The following SGCZ variants were observed in gnomAD, a reference collection of about 807,000 sequenced individuals.
The protein encoded by SGCZ is zeta-sarcoglycan.
Under a neutral mutation model 41.3 loss-of-function variants are expected in SGCZ, and 40 were observed. The ratio of observed to expected loss-of-function variants is 0.97; its 90% confidence interval spans 0.75 to 1.26. The LOEUF (loss-of-function observed/expected upper bound fraction) is 1.26. Ranked by LOEUF, SGCZ falls within the 50% of genes most tolerant of loss-of-function variation. SGCZ has a pLI of 0.00. For synonymous variants in SGCZ, 206 were observed against 137.5 expected, an observed-to-expected ratio of 1.50 and a Z score of -3.49; for missense variants, 552 against 369.8, an observed-to-expected ratio of 1.49 and a Z score of -4.04.
intron 1 of SGCZ, among the ~76,000 whole-genome samples, chr8:14,637,238 C>G (rs1369468445): frequency 1.3e-5 from 2 of 151,902 alleles, no homozygotes; most frequent in East Asian, 3.9e-4. Context: ...CCCTGTCAAC[C>G]AAACACTCTA....
intron 1 of SGCZ, among the ~76,000 whole-genome samples, chr8:14,729,638 C>T (rs950389896): frequency 4.6e-5 from 6 of 131,226 alleles, no homozygotes; most frequent in South Asian, 5.5e-4. Flanking sequence ...GCATCCAGAG[C>T]GTTAAAAATC....
intron 1 of SGCZ, among the ~76,000 whole-genome samples, chr8:14,742,212 A>G (rs1799215930): frequency 6.6e-6 from 1 of 152,058 alleles, no homozygotes; most frequent in Non-Finnish European, 1.5e-5. Flanking sequence ...CAGTCTAATG[A>G]TCCATCTGTG....
chr8:15,219,170 G>T (rs1360575601), intron 1 of SGCZ, among the ~76,000 whole-genome samples: 1 of 152,102 alleles, frequency 6.6e-6, no homozygotes, highest in Non-Finnish European at 1.5e-5. Context: ...TATTAATCAT[G>T]ATTTAAATTC....
At chr8:14,426,499 C>G (rs1253311317) in intron 2 of SGCZ, among the ~76,000 whole-genome samples, 2 of 149,178 alleles carry the variant, frequency 1.3e-5, no homozygotes, top group Non-Finnish European at 2.9e-5. Flanking sequence ...CTAGAGCAAG[C>G]AGAAAACACA....
intron 2 of SGCZ, among the ~76,000 whole-genome samples, chr8:14,452,378 T>C (rs1342846387): frequency 2.0e-5 from 3 of 152,044 alleles, no homozygotes; most frequent in Non-Finnish European, 4.4e-5. Context: ...ATCGTAACGG[T>C]GGATACATGT....
At chr8:14,993,062 G>A (rs1802077188) in intron 1 of SGCZ, among the ~76,000 whole-genome samples, 3 of 151,904 alleles carry the variant, frequency 2.0e-5, no homozygotes, top group African/African-American at 7.3e-5. Context: ...CAAAACTAGT[G>A]TTAATCTTTA....
At chr8:14,738,974 G>C (rs1201244121) in intron 1 of SGCZ, among the ~76,000 whole-genome samples, 1 of 152,062 alleles carries the variant, frequency 6.6e-6, no homozygotes, top group African/African-American at 2.4e-5. Context: ...TGGCTAAAGG[G>C]TTGACAAGGG....
chr8:14,475,287 C>T (rs1374705461), intron 2 of SGCZ, among the ~76,000 whole-genome samples: 1 of 151,900 alleles, frequency 6.6e-6, no homozygotes, highest in Non-Finnish European at 1.5e-5. Flanking sequence ...GTATGTTTTC[C>T]AATTCATAAT....
intron 1 of SGCZ, among the ~76,000 whole-genome samples, chr8:14,847,911 C>T (rs1263425851): frequency 6.6e-6 from 1 of 150,996 alleles, no homozygotes; most frequent in Non-Finnish European, 1.5e-5. Flanking sequence ...AATCAGGCAA[C>T]ACAAACAAAC....
chr8:14,824,893 C>T (rs967845229), intron 1 of SGCZ, among the ~76,000 whole-genome samples: 11 of 152,022 alleles, frequency 7.2e-5, no homozygotes, highest in Non-Finnish European at 1.3e-4. Context: ...GATTTATATG[C>T]TTATGGATAC....
intron 2 of SGCZ, among the ~76,000 whole-genome samples, chr8:14,528,829 A>AAAAAC (rs11388319): frequency 0.021 from 1,595 of 76,184 alleles, 32 homozygotes; most frequent in African/African-American, 0.091. Context: ...GGACCAGCCA[A>AAAAAC]AAAAAAAACA....
At chr8:15,218,797 C>A (rs566560286) in intron 1 of SGCZ, among the ~76,000 whole-genome samples, 2 of 152,156 alleles carry the variant, frequency 1.3e-5, no homozygotes, top group Non-Finnish European at 2.9e-5. Flanking sequence ...CATAACTATC[C>A]TATTACAGTC....
At chr8:14,681,664 TGATCA>T (rs1198795178) in intron 1 of SGCZ, among the ~76,000 whole-genome samples, 2 of 152,210 alleles carry the variant, frequency 1.3e-5, no homozygotes, top group Admixed American at 6.5e-5. Context: ...AATTCAGCAG[TGATCA>T]GATATTACTC....
intron 1 of SGCZ, among the ~76,000 whole-genome samples, chr8:14,712,972 A>G (rs985148502): frequency 4.6e-5 from 7 of 152,082 alleles, no homozygotes; most frequent in African/African-American, 1.7e-4. Flanking sequence ...TCTCCTCAAG[A>G]CTAGGACATC....
chr8:15,017,440 G>T (rs1392365664), intron 1 of SGCZ, among the ~76,000 whole-genome samples: 1 of 152,120 alleles, frequency 6.6e-6, no homozygotes, highest in Non-Finnish European at 1.5e-5. Flanking sequence ...ATTTTTAAAA[G>T]ACCTATTTTT....
At chr8:14,200,694 G>A (rs1200876799) in intron 4 of SGCZ, among the ~76,000 whole-genome samples, 4 of 152,066 alleles carry the variant, frequency 2.6e-5, no homozygotes, top group Non-Finnish European at 5.9e-5. Context: ...TAAACTAGAA[G>A]CCTCAGAGTA....
In SGCZ at chr8:14,839,322, G is replaced by A. The variant is rs73535041; in HGVS notation, c.40-284396C>T. 7.5e-3 allele frequency among the ~76,000 whole-genome samples: 1,143 copies of A among 152,254 alleles called. 16 individuals carry two copies. The highest frequency in any genetic ancestry group is 0.026 in the African/African-American group (1,071 of 41,572). ...CAGGTAAAGAGAGGTGCAATTTACTGAGATGATGCACGCTTGCAGAGGACC... is the reference window on the plus strand; with the variant it reads ...CAGGTAAAGAGAGGTGCAATTTACTAAGATGATGCACGCTTGCAGAGGACC... On this transcript the variant is annotated intron_variant, in intron 1 of 7. Transcript: ENST00000382080.
At chr8:14,544,528 T>A (rs1038983967) in intron 2 of SGCZ, among the ~76,000 whole-genome samples, 2 of 152,108 alleles carry the variant, frequency 1.3e-5, no homozygotes, top group African/African-American at 4.8e-5. Flanking sequence ...TAGCAAAGAA[T>A]ATTAATATTA....
intron 4 of SGCZ, among the ~76,000 whole-genome samples, chr8:14,209,313 C>G (rs1358922332): frequency 6.6e-6 from 1 of 152,110 alleles, no homozygotes; most frequent in African/African-American, 2.4e-5. Context: ...GCCCCTCTCT[C>G]TCACCAGGGA....
Sources: allele counts gnomAD v4.1 joint callset (sites outside exome capture counted in the v4.1 genomes callset), GRCh38; gene constraint gnomAD v4.1.1; transcripts MANE v1.5; gene names NCBI Gene and HGNC (gene_info 2026-07-23, HGNC 2026-07-21).